The following DNAJC1 variants were observed in gnomAD, a reference collection of about 807,000 sequenced individuals.
The protein encoded by DNAJC1 is dnaJ homolog subfamily C member 1.
A neutral mutation model predicts 76.6 loss-of-function variants in DNAJC1; 58 were observed. The observed-to-expected ratio is 0.76, with a 90% CI of 0.61 to 0.94. The LOEUF is 0.94. Ranked by LOEUF, DNAJC1 falls within the 40% of genes least tolerant of loss-of-function variation. DNAJC1 has a pLI of 0.00. For missense variants in DNAJC1, 689 were observed against 677.3 expected (o/e 1.02, Z -0.19); for synonymous variants, 258 against 267.9 (o/e 0.96, Z 0.36).
chr10:21,793,346 A>G (rs1167506798), intron 9 of DNAJC1, among the ~76,000 whole-genome samples: 1 of 152,138 alleles, frequency 6.6e-6, no homozygotes, highest in African/African-American at 2.4e-5. Flanking sequence ...TGAAAAACCT[A>G]CAGCTAAAAT....
chr10:21,793,188 C>T (rs973339003), intron 9 of DNAJC1, among the ~76,000 whole-genome samples: 11 of 152,034 alleles, frequency 7.2e-5, no homozygotes, highest in Non-Finnish European at 1.2e-4. Flanking sequence ...TGCCTGTAAT[C>T]CCAGCTACTT....
At chr10:21,959,477 G>A (rs1180670266) in intron 1 of DNAJC1, among the ~76,000 whole-genome samples, 2 of 151,968 alleles carry the variant, frequency 1.3e-5, no homozygotes, top group Non-Finnish European at 2.9e-5. Flanking sequence ...CCTGAATGTG[G>A]AATACATTTT....
At chr10:21,803,081 T>TA (rs1286550361) in intron 9 of DNAJC1, among the ~76,000 whole-genome samples, 1 of 152,176 alleles carries the variant, frequency 6.6e-6, no homozygotes, top group East Asian at 1.9e-4. Context: ...CTAACTCTGC[T>TA]AATTATGACA....
intron 11 of DNAJC1, among the ~76,000 whole-genome samples, chr10:21,758,274 C>A (rs927376587): frequency 5.9e-5 from 9 of 152,148 alleles, no homozygotes; most frequent in African/African-American, 2.2e-4. Flanking sequence ...GCACAGACAG[C>A]GGAAGAGATC....
At chr10:21,787,860 AGAG>A (rs1834632240) in intron 9 of DNAJC1, among the ~76,000 whole-genome samples, 1 of 152,240 alleles carries the variant, frequency 6.6e-6, no homozygotes, top group Admixed American at 6.5e-5. Context: ...TTGCTCCCCC[AGAG>A]GAGTAGCCAA....
chr10:21,790,511 C>CAAA (rs60598254), intron 9 of DNAJC1, among the ~76,000 whole-genome samples: 10 of 141,678 alleles, frequency 7.1e-5, no homozygotes, highest in East Asian at 2.0e-4. Context: ...AATAAATTGC[C>CAAA]AAAAAAAAAA....
intron 8 of DNAJC1, among the ~76,000 whole-genome samples, chr10:21,845,837 G>T (rs1316970675): frequency 1.3e-5 from 2 of 151,898 alleles, no homozygotes; most frequent in Non-Finnish European, 2.9e-5. Flanking sequence ...ATATGAAAAG[G>T]TAAATATATT....
At chr10:21,821,818 C>G (rs192637983) in intron 8 of DNAJC1, among the ~76,000 whole-genome samples, 1 of 149,040 alleles carries the variant, frequency 6.7e-6, no homozygotes, top group African/African-American at 2.5e-5. Context: ...TCAGGCAGAA[C>G]ATTTTCTGTT....
At chr10:21,841,213 A>G (rs1471392413) in intron 8 of DNAJC1, among the ~76,000 whole-genome samples, 1 of 152,226 alleles carries the variant, frequency 6.6e-6, no homozygotes, top group East Asian at 1.9e-4. Context: ...CATGTCTAAA[A>G]CAACCAAAAG....
chr10:21,935,911 G>C (rs1205274275), intron 1 of DNAJC1, among the ~76,000 whole-genome samples: 24 of 152,030 alleles, frequency 1.6e-4, no homozygotes, highest in Non-Finnish European at 1.8e-4. Flanking sequence ...TAAAAAATTA[G>C]AATTCATTGC....
At chr10:21,969,880 T>A (rs182140691) in intron 1 of DNAJC1, among the ~76,000 whole-genome samples, 1 of 152,146 alleles carries the variant, frequency 6.6e-6, no homozygotes, top group Admixed American at 6.5e-5. Flanking sequence ...TTATGTAGGA[T>A]GGAAATGTGG....
chr10:21,961,711 A>G (rs1437858971), intron 1 of DNAJC1, among the ~76,000 whole-genome samples: 1 of 152,182 alleles, frequency 6.6e-6, no homozygotes, highest in East Asian at 1.9e-4. Context: ...TGTATACTTA[A>G]AATGGGTAAA....
At chr10:21,901,367 G>A (rs1189533730) in intron 7 of DNAJC1, among the ~76,000 whole-genome samples, 3 of 152,024 alleles carry the variant, frequency 2.0e-5, no homozygotes, top group Admixed American at 2.0e-4. Flanking sequence ...GATATGGGCT[G>A]TTTTAGTACA....
chr10:21,758,223 ATG>A (rs1219834387), intron 11 of DNAJC1, among the ~76,000 whole-genome samples: 69 of 152,276 alleles, frequency 4.5e-4, no homozygotes, highest in Non-Finnish European at 1.9e-4. Context: ...AAAAATAAGA[ATG>A]TAAATGAGCA....
intron 1 of DNAJC1, among the ~76,000 whole-genome samples, chr10:21,997,743 C>T (rs1194472832): frequency 6.6e-6 from 1 of 152,114 alleles, no homozygotes; most frequent in Non-Finnish European, 1.5e-5. Context: ...TTTATTAATT[C>T]CTATCTAAAA....
At chr10:21,765,301 C>T (rs191524121) in intron 10 of DNAJC1, among the ~76,000 whole-genome samples, 1 of 152,186 alleles carries the variant, frequency 6.6e-6, no homozygotes, top group East Asian at 1.9e-4. Flanking sequence ...CTCCTGGGCT[C>T]AAGTGATCCT....
rs1590018710 is a variant in DNAJC1, at chr10:21,858,873, A to G, written c.978+23409T>C. ...GTTTTGGCTTACCTGATGAAATCAG[A>G]ACTTTACTCCCATTACTCACAAATT... On this transcript the variant is annotated intron_variant, in intron 8 of 11. Coordinates refer to ENST00000376980, the MANE Select transcript of DNAJC1 (RefSeq NM_022365.4). Among the ~76,000 whole-genome samples, 3 of 152,324 alleles carry G rather than the reference A, an allele frequency of 2.0e-5. No homozygotes were observed. The East Asian group carries it at 5.8e-4, about 29-fold the overall frequency.
chr10:21,837,713 G>A (rs1835488933), intron 8 of DNAJC1, among the ~76,000 whole-genome samples: 1 of 149,872 alleles, frequency 6.7e-6, no homozygotes, highest in Admixed American at 6.6e-5. Context: ...CCCTCTGCCT[G>A]GCAGCCGCCC....
chr10:21,808,094 T>C (rs1291523450), intron 8 of DNAJC1, among the ~76,000 whole-genome samples: 1 of 152,154 alleles, frequency 6.6e-6, no homozygotes, highest in Admixed American at 6.6e-5. Context: ...GAGCTTGAAG[T>C]TGATCATTGC....
Sources: gnomAD v4.1 joint callset for allele counts (sites outside exome capture counted in the v4.1 genomes callset) on GRCh38, gnomAD v4.1.1 for gene constraint, MANE v1.5 for transcripts, NCBI Gene and HGNC (gene_info 2026-07-23, HGNC 2026-07-21) for gene names.